BNC2: variants seen among roughly 807,000 people sequenced by gnomAD.
BNC2 encodes the protein basonuclin zinc finger protein 2, also known as zinc finger protein basonuclin-2.
A neutral mutation model predicts 76.3 loss-of-function variants in BNC2; 20 were observed. That is an observed-to-expected ratio of 0.26 (90% CI 0.18 to 0.38). The LOEUF is 0.38. Among genes scored for constraint, BNC2 ranks in the 10% least tolerant of loss-of-function variants. The probability of loss-of-function intolerance (pLI) is 1.00; values close to 1 mark genes in which losing one functional copy is unlikely to be tolerated. For synonymous variants in BNC2, 582 were observed against 514.8 expected, an observed-to-expected ratio of 1.13 and a Z score of -1.77; for missense variants, 1,382 against 1,399.8, an observed-to-expected ratio of 0.99 and a Z score of 0.20.
intron 5 of BNC2, among the ~76,000 whole-genome samples, chr9:16,495,410 A>G (rs1375684571): frequency 6.6e-6 from 1 of 152,264 alleles, no homozygotes; most frequent in Non-Finnish European, 1.5e-5. Context: ...GGACTTAAGC[A>G]GATCACATAC....
chr9:16,860,709 C>T (rs1376662776), intron 1 of BNC2, among the ~76,000 whole-genome samples: 1 of 152,138 alleles, frequency 6.6e-6, no homozygotes, highest in African/African-American at 2.4e-5. Flanking sequence ...TAGACTTCAT[C>T]AAAAATTTCT....
intron 1 of BNC2, among the ~76,000 whole-genome samples, chr9:16,829,526 A>C (rs555858700): frequency 6.6e-6 from 1 of 152,342 alleles, no homozygotes; most frequent in Admixed American, 6.5e-5. Flanking sequence ...TATTTTTCTA[A>C]TAAAATACAT....
chr9:16,531,182 G>C (rs1817963351), intron 5 of BNC2, among the ~76,000 whole-genome samples: 1 of 152,136 alleles, frequency 6.6e-6, no homozygotes, highest in Non-Finnish European at 1.5e-5. Flanking sequence ...GAAGAAGGTA[G>C]AAAACAAAAA....
chr9:16,663,765 G>A (rs1430166274), intron 3 of BNC2, among the ~76,000 whole-genome samples: 1 of 152,154 alleles, frequency 6.6e-6, no homozygotes, highest in Admixed American at 6.5e-5. Context: ...AGAGTCAGGT[G>A]TGAATATTAT....
intron 4 of BNC2, among the ~76,000 whole-genome samples, chr9:16,562,264 C>A (rs1203853878): frequency 6.6e-6 from 1 of 152,162 alleles, no homozygotes; most frequent in East Asian, 1.9e-4. Flanking sequence ...TCTCCCTCCT[C>A]GAACCCCACA....
At chr9:16,744,977 G>T (rs1824958019) in intron 1 of BNC2, among the ~76,000 whole-genome samples, 1 of 152,156 alleles carries the variant, frequency 6.6e-6, no homozygotes, top group African/African-American at 2.4e-5. Context: ...ACATATCCAG[G>T]AAATCAATTT....
chr9:16,601,946 A>G (rs1820255719), intron 3 of BNC2, among the ~76,000 whole-genome samples: 1 of 152,180 alleles, frequency 6.6e-6, no homozygotes, highest in South Asian at 2.1e-4. Flanking sequence ...ATAAGTGCTC[A>G]GTAATGTTTC....
At chr9:16,594,423 G>T (rs1236422590) in intron 3 of BNC2, among the ~76,000 whole-genome samples, 1 of 152,054 alleles carries the variant, frequency 6.6e-6, no homozygotes. Flanking sequence ...TTTATAAAAG[G>T]AGCTGCCCAC....
At position 16,665,386 on chromosome 9, in the gene BNC2, A is replaced by AAAGAGAGAGAG. The variant is rs1554702315; in HGVS notation, c.330+62410_330+62411insCTCTCTCTCTT. ...CCTCTGTCTCAAAAAAAAAAAAAAA[A>AAAGAGAGAGAG]AGAGAGAGAGAGAGAGAAAGAGAGA... On this transcript the variant is annotated intron_variant, in intron 3 of 6. Transcript: ENST00000380672. Among the ~76,000 whole-genome samples, 30 of 84,284 alleles carry AAAGAGAGAGAG rather than the reference A, an allele frequency of 3.6e-4. 2 individuals carry two copies. The highest frequency in any genetic ancestry group is 5.5e-4 in the Non-Finnish European group (26 of 47,312). The allele number at this position is 84,284 out of a possible 152,430, so 55.3% of individuals were successfully genotyped here.
chr9:16,478,078 G>C (rs1821966041), intron 5 of BNC2, among the ~76,000 whole-genome samples: 3 of 152,216 alleles, frequency 2.0e-5, no homozygotes, highest in Admixed American at 2.0e-4. Flanking sequence ...GTCTGAGGTA[G>C]TTCATTTCAT....
intron 1 of BNC2, among the ~76,000 whole-genome samples, chr9:16,806,128 T>G (rs1218861112): frequency 6.6e-6 from 1 of 152,146 alleles, no homozygotes; most frequent in Non-Finnish European, 1.5e-5. Flanking sequence ...CAGTTTTTTG[T>G]AAATGACCTT....
At chr9:16,832,371 C>T (rs1016590884) in intron 1 of BNC2, 6 of 1,192,230 alleles carry the variant, frequency 5.0e-6, no homozygotes, top group Non-Finnish European at 6.4e-6. Context: ...GAACAGAGAA[C>T]ACAATATGTT....
chr9:16,832,765 C>T (rs1268831259), intron 1 of BNC2, among the ~76,000 whole-genome samples: 10 of 151,804 alleles, frequency 6.6e-5, no homozygotes, highest in Admixed American at 6.6e-4. Flanking sequence ...CTCGCTCTGT[C>T]ACCAGGCCGG....
chr9:16,829,082 G>A (rs1018175675), intron 1 of BNC2, among the ~76,000 whole-genome samples: 1 of 152,144 alleles, frequency 6.6e-6, no homozygotes, highest in Non-Finnish European at 1.5e-5. Flanking sequence ...GGCGGCCTGG[G>A]AGGACTGAGC....
intron 3 of BNC2, among the ~76,000 whole-genome samples, chr9:16,698,884 T>C (rs949057097): frequency 2.0e-5 from 3 of 152,250 alleles, no homozygotes; most frequent in African/African-American, 4.8e-5. Context: ...TCCTTGGTGA[T>C]AGCCCTTCAG....
At chr9:16,700,012 A>T (rs1823460309) in intron 3 of BNC2, among the ~76,000 whole-genome samples, 2 of 152,198 alleles carry the variant, frequency 1.3e-5, no homozygotes, top group African/African-American at 4.8e-5. Context: ...AGTTAAGTTG[A>T]TCCACTTTAT....
intron 1 of BNC2, among the ~76,000 whole-genome samples, chr9:16,836,090 T>A: frequency 6.6e-6 from 1 of 152,208 alleles, no homozygotes; most frequent in East Asian, 1.9e-4. Flanking sequence ...GGATTGATTT[T>A]AGCAGTTTTA....
At chr9:16,681,774 T>C (rs1346093451) in intron 3 of BNC2, among the ~76,000 whole-genome samples, 1 of 152,204 alleles carries the variant, frequency 6.6e-6, no homozygotes, top group Non-Finnish European at 1.5e-5. Context: ...GCAGGGCTGA[T>C]GTTAGAAAAT....
chr9:16,789,968 A>G (rs1817455937), intron 1 of BNC2, among the ~76,000 whole-genome samples: 1 of 152,192 alleles, frequency 6.6e-6, no homozygotes, highest in Non-Finnish European at 1.5e-5. Flanking sequence ...ATAATGCAAT[A>G]CCACAAAAGT....
Sources: allele counts gnomAD v4.1 joint callset (sites outside exome capture counted in the v4.1 genomes callset), GRCh38; gene constraint gnomAD v4.1.1; transcripts MANE v1.5; gene names NCBI Gene and HGNC (gene_info 2026-07-23, HGNC 2026-07-21).